The following RTN4 variants were observed in gnomAD, a reference collection of about 807,000 sequenced individuals.
The protein encoded by RTN4 is reticulon 4.
Under a neutral mutation model 90.4 loss-of-function variants are expected in RTN4, and 32 were observed. That is an observed-to-expected ratio of 0.35 (90% confidence interval 0.27 to 0.48). The LOEUF is 0.48. RTN4 is among the 20% of genes least tolerant of loss of function. The pLI, the probability that RTN4 is intolerant of heterozygous loss-of-function variation, is 0.99. For missense variants in RTN4, 1,706 were observed against 1,430.2 expected (o/e 1.19, Z -3.11); for synonymous variants, 629 against 552.5 (o/e 1.14, Z -1.94).
chr2:55,056,708 G>T (rs2104997472), intron 2 of RTN4, among the ~76,000 whole-genome samples: 1 of 151,868 alleles, frequency 6.6e-6, no homozygotes, highest in African/African-American at 2.4e-5. Flanking sequence ...TTCAAATTAT[G>T]TAACTGTATT....
chr2:55,026,945 G>A lies in RTN4; in HGVS notation c.1154C>T (p.Ala385Val). 6.2e-7 allele frequency: 1 copy of A among 1,613,316 alleles called. No homozygotes were observed. Among genetic ancestry groups the A allele is most frequent in the Non-Finnish European group, 8.5e-7 (1 of 1,179,852 alleles). ...AVEAPMREEY[A>V]DFKPFERVWE... ...TACTCGCTCAAATGGTTTGAAGTCTGCATATTCCTCCCTCATAGGAGCTTC... is the reference window on the plus strand; with the variant it reads ...TACTCGCTCAAATGGTTTGAAGTCTACATATTCCTCCCTCATAGGAGCTTC... Residue 385 changes from alanine (A) to valine (V), a missense_variant, in exon 3 of 9, where the codon GCA becomes GTA. Physicochemically the swap from Ala to Val is moderately conservative, Grantham distance 64. Coordinates refer to ENST00000337526, the MANE Select transcript of RTN4 (RefSeq NM_020532.5).
intron 1 of RTN4, among the ~76,000 whole-genome samples, chr2:55,092,349 C>A (rs949821825): frequency 6.6e-6 from 1 of 151,740 alleles, no homozygotes; most frequent in Non-Finnish European, 1.5e-5. Context: ...AATTCTCCTG[C>A]CTCAGCCTCC....
intron 1 of RTN4, among the ~76,000 whole-genome samples, chr2:55,110,584 T>C (rs1180478525): frequency 6.6e-6 from 1 of 152,294 alleles, no homozygotes; most frequent in East Asian, 1.9e-4. Flanking sequence ...CCTGGTTACT[T>C]ATCAATAATG....
At chr2:55,058,139 G>A (rs1668222508) in intron 2 of RTN4, among the ~76,000 whole-genome samples, 1 of 152,138 alleles carries the variant, frequency 6.6e-6, no homozygotes, top group African/African-American at 2.4e-5. Context: ...ATCTACAAGG[G>A]ATAAAGGAGA....
the RTN4 span, among the ~76,000 whole-genome samples, chr2:55,132,814 A>AAG: frequency 3.8e-4 from 2 of 5,234 alleles, no homozygotes; most frequent in Non-Finnish European, 7.4e-4. Flanking sequence ...ACCGTCTCTC[A>AAG]AAAAAAAAAA....
At chr2:54,996,695 G>A (rs780606831) in intron 3 of RTN4, among the ~76,000 whole-genome samples, 17 of 152,150 alleles carry the variant, frequency 1.1e-4, no homozygotes, top group Non-Finnish European at 2.5e-4. Context: ...AACTCATAAC[G>A]GCCGAAAGAC....
At chr2:55,048,777 T>C (rs1667923682) in intron 1 of RTN4, among the ~76,000 whole-genome samples, 1 of 152,230 alleles carries the variant, frequency 6.6e-6, no homozygotes, top group South Asian at 2.1e-4. Flanking sequence ...TCTCTGTGTC[T>C]CATGGTAAAT....
intron 3 of RTN4, among the ~76,000 whole-genome samples, chr2:54,997,314 T>G (rs1210639001): frequency 2.0e-5 from 3 of 152,084 alleles, no homozygotes; most frequent in Admixed American, 2.0e-4. Flanking sequence ...AGATACCACT[T>G]CATACCCCCT....
upstream of RTN4, among the ~76,000 whole-genome samples, chr2:55,115,183 G>C (rs1219613111): frequency 1.3e-5 from 2 of 152,158 alleles, no homozygotes; most frequent in East Asian, 3.8e-4. Flanking sequence ...CAGCTCTGTA[G>C]GTCAGAAGTC....
chr2:55,067,403 C>G (rs1416567918), intron 2 of RTN4, among the ~76,000 whole-genome samples: 1 of 141,426 alleles, frequency 7.1e-6, no homozygotes, highest in Non-Finnish European at 1.5e-5. Context: ...TTGCAGTAAC[C>G]ATATTGCAAT....
At position 55,084,013 on chromosome 2, in the gene RTN4, G is replaced by A. The variant is rs191995414; in HGVS notation, c.-213-3374C>T. Among the ~76,000 whole-genome samples the A allele has an allele frequency of 3.6e-3, 543 of 152,290 alleles. 1 individual carries two copies. The highest frequency in any genetic ancestry group is 0.018 in the South Asian group (87 of 4,826). ...TGACTCTTCATGGGTTTCTGGAAGG[G>A]GGGTGGTCACCAGAAAGACCAACCC... On this transcript the variant is annotated intron_variant, in intron 1 of 3. Coordinates refer to the RTN4 transcript ENST00000427710.
At chr2:55,077,677 C>A (rs1347070577) in intron 2 of RTN4, among the ~76,000 whole-genome samples, 1 of 151,524 alleles carries the variant, frequency 6.6e-6, no homozygotes, top group Non-Finnish European at 1.5e-5. Flanking sequence ...ACGTTTATAG[C>A]AGCACAATTC....
intron 1 of RTN4, among the ~76,000 whole-genome samples, chr2:55,036,593 C>T (rs2104918091): frequency 1.5e-5 from 1 of 64,682 alleles, no homozygotes; most frequent in Middle Eastern, 0.021. Context: ...CAGAGCAAGA[C>T]TGTCTCAAAA....
intron 2 of RTN4, among the ~76,000 whole-genome samples, chr2:55,063,338 G>C (rs1573491852): frequency 6.6e-6 from 1 of 152,170 alleles, no homozygotes; most frequent in Non-Finnish European, 1.5e-5. Context: ...TAAATTGTGT[G>C]AGGTGGTAGG....
chr2:55,086,931 A>G (rs1413936406), intron 1 of RTN4, among the ~76,000 whole-genome samples: 1 of 150,734 alleles, frequency 6.6e-6, no homozygotes, highest in Non-Finnish European at 1.5e-5. Flanking sequence ...AAGTGCCGGG[A>G]TTACAGGCAT....
the RTN4 span, among the ~76,000 whole-genome samples, chr2:55,131,007 G>C: frequency 1.3e-5 from 2 of 152,298 alleles, no homozygotes; most frequent in South Asian, 4.1e-4. Context: ...TCTGTCTTCA[G>C]TGTACAAAGG....
chr2:55,014,366 A>C (rs935753372), intron 3 of RTN4: 2 of 152,174 alleles, frequency 1.3e-5, no homozygotes, highest in Admixed American at 1.3e-4. Flanking sequence ...TTATAATCTA[A>C]AACATACAAA....
At chr2:55,074,517 C>CAAAAAAAAAAAAAAAAAA (rs778275041) in intron 2 of RTN4, among the ~76,000 whole-genome samples, 1 of 59,642 alleles carries the variant, frequency 1.7e-5, no homozygotes, top group Admixed American at 1.9e-4. Context: ...CTGCCCTCAC[C>CAAAAAAAAAAAAAAAAAA]AAAAAAAAAA....
chr2:54,978,431 CAAAAAAAAAAA>C (rs10718270), intron 5 of RTN4, among the ~76,000 whole-genome samples: 2 of 81,124 alleles, frequency 2.5e-5, no homozygotes, highest in Non-Finnish European at 2.4e-5. Flanking sequence ...ACTCTATCTC[CAAAAAAAAAAA>C]AAAAAAAAAA....
Sources: gnomAD v4.1 joint callset for allele counts (sites outside exome capture counted in the v4.1 genomes callset) on GRCh38, gnomAD v4.1.1 for gene constraint, MANE v1.5 for transcripts, NCBI Gene and HGNC (gene_info 2026-07-23, HGNC 2026-07-21) for gene names.